Variants in INO80 observed in about 807,000 individuals in gnomAD.
The protein encoded by INO80 is INO80 complex ATPase subunit.
A neutral mutation model predicts 203.4 loss-of-function variants in INO80; 20 were observed. The observed-to-expected ratio is 0.10, with a 90% CI of 0.07 to 0.14. INO80 has a LOEUF of 0.14. Ranked by LOEUF, INO80 falls within the 10% of genes least tolerant of loss-of-function variation. The probability of loss-of-function intolerance (pLI) is 1.00; values close to 1 mark genes in which losing one functional copy is unlikely to be tolerated. For missense variants in INO80, 1,419 were observed against 1,914.4 expected, an observed-to-expected ratio of 0.74 and a Z score of 4.83; for synonymous variants, 726 against 685.2, an observed-to-expected ratio of 1.06 and a Z score of -0.93.
At chr15:40,983,103 GA>G in intron 34 of INO80, 26 bp from the exon 35 acceptor site, 9 of 1,513,346 alleles carry the variant, frequency 5.9e-6, no homozygotes, top group Non-Finnish European at 8.1e-6. Flanking sequence ...GGCCAAAAGG[GA>G]AAGAAAAAAA....
chr15:41,050,863 G>A (rs1191864740), intron 19 of INO80, among the ~76,000 whole-genome samples: 1 of 152,138 alleles, frequency 6.6e-6, no homozygotes, highest in Non-Finnish European at 1.5e-5. Context: ...GCCGGACGCA[G>A]TGGCTCACGC....
In INO80 at chr15:41,096,171, G is replaced by A; in HGVS notation, c.140C>T (p.Ser47Phe). The change falls in exon 2 of 36, where the codon TCT becomes TTT. Residue 47 changes from serine to phenylalanine, a missense_variant. Ser to Phe is a radical substitution (Grantham distance 155, BLOSUM62 -2). This residue lies in a region of INO80 where 323 missense variants were observed against 325.4 expected (regional missense o/e 0.99). Transcript: ENST00000648947. ...QTSAIFNRNI[S>F]SDDSEDGLDD... is the part of the protein sequence containing the mutation. ...TTGCAAAGATACAATAACATACCTAGAAATATTCCTATTGAAGATAGCTGA... is the reference window on the plus strand; with the variant it reads ...TTGCAAAGATACAATAACATACCTAAAAATATTCCTATTGAAGATAGCTGA... The A allele has an allele frequency of 6.2e-7, 1 of 1,603,738 alleles. No individual in the cohort carries two copies. The highest frequency in any genetic ancestry group is 8.5e-7 in the Non-Finnish European group (1 of 1,177,068).
intron 19 of INO80, among the ~76,000 whole-genome samples, chr15:41,052,914 T>C (rs1229778228): frequency 6.7e-6 from 1 of 149,874 alleles, no homozygotes; most frequent in Non-Finnish European, 1.5e-5. Context: ...ACACCTGTAG[T>C]CCCAGCTACT....
chr15:41,098,200 C>CT (rs749209634), intron 1 of INO80, among the ~76,000 whole-genome samples: 118 of 152,006 alleles, frequency 7.8e-4, no homozygotes, highest in Non-Finnish European at 1.5e-3. Flanking sequence ...GTTGTCTTCT[C>CT]TTTTTTTTAC....
At chr15:41,089,522 C>T (rs758598782) in intron 5 of INO80, among the ~76,000 whole-genome samples, 5 of 152,018 alleles carry the variant, frequency 3.3e-5, no homozygotes, top group Admixed American at 6.6e-5. Flanking sequence ...GAGGCCGAGG[C>T]GGGTGGATCA....
intron 1 of INO80, among the ~76,000 whole-genome samples, chr15:41,103,821 T>C (rs1352643657): frequency 2.0e-5 from 3 of 152,196 alleles, no homozygotes; most frequent in Non-Finnish European, 4.4e-5. Context: ...CAATTTAATC[T>C]TTTACTACTT....
chr15:41,087,833 G>C, intron 5 of INO80, 151 bp from the exon 6 acceptor site: 1 of 664,366 alleles, frequency 1.5e-6, no homozygotes, highest in Non-Finnish European at 2.3e-6. Flanking sequence ...ATATCTAAGG[G>C]AATCACTTAC....
intron 24 of INO80, among the ~76,000 whole-genome samples, chr15:41,040,874 A>C (rs977424121): frequency 6.6e-6 from 1 of 152,194 alleles, no homozygotes; most frequent in Non-Finnish European, 1.5e-5. Flanking sequence ...TACAAATCAT[A>C]AGAAAAATAC....
chr15:41,003,689 A>AT (rs1378584657), intron 28 of INO80, among the ~76,000 whole-genome samples: 1 of 152,326 alleles, frequency 6.6e-6, no homozygotes, highest in Admixed American at 6.5e-5. Context: ...ATTATAATCT[A>AT]TAAAGTCCCC....
At chr15:41,038,897 C>G (rs796366256) in intron 24 of INO80, among the ~76,000 whole-genome samples, 15 of 152,328 alleles carry the variant, frequency 9.8e-5, no homozygotes, top group African/African-American at 3.6e-4. Context: ...CAGAATACTA[C>G]TTCTCATGGC....
At chr15:41,060,697 T>C (rs1359086147) in intron 14 of INO80, among the ~76,000 whole-genome samples, 4 of 152,140 alleles carry the variant, frequency 2.6e-5, no homozygotes, top group South Asian at 2.1e-4. Flanking sequence ...AAATCATACA[T>C]AGACTTGCCT....
intron 7 of INO80, among the ~76,000 whole-genome samples, chr15:41,083,212 G>A (rs1195673276): frequency 1.3e-5 from 2 of 149,268 alleles, no homozygotes; most frequent in Non-Finnish European, 3.0e-5. Context: ...GTGAACCCGG[G>A]AGGCGGAGCT....
chr15:41,074,354 C>T lies in INO80; in HGVS notation c.1327+16G>A. On this transcript the variant is annotated intron_variant, in intron 10 of 35. Transcript: ENST00000648947. The stretch of plus-strand genomic sequence containing the variant: ...ATAAGAGGTAGCCTTCCTCTAAGTC[C>T]TGACTGAGGACTCACCATAATCCTC... 6.4e-7 allele frequency: 1 copy of T among 1,566,290 alleles called. No individual in the cohort carries two copies. The highest frequency in any genetic ancestry group is 1.2e-5 in the South Asian group (1 of 84,126).
In INO80 at chr15:40,983,767, A is replaced by C; in HGVS notation, c.4232T>G (p.Val1411Gly). The C allele has an allele frequency of 6.2e-7, 1 of 1,612,258 alleles. No individual in the cohort carries two copies. Among genetic ancestry groups the C allele is most frequent in the Non-Finnish European group, 8.5e-7 (1 of 1,179,970 alleles). Residue 1411 changes from valine to glycine, a missense_variant, in exon 34 of 36, where the codon GTG (valine) becomes GGG (glycine). By Grantham distance (109) the Val-to-Gly change is moderately radical. Around this residue, in one of 9 missense-constraint regions of INO80, gnomAD observed 214 missense variants for 248.9 expected, o/e 0.86. Coordinates refer to ENST00000648947, the MANE Select transcript of INO80 (RefSeq NM_017553.3). ...ASITGSVSDT[V>G]NGISIQEMPA... ...TACAAGACAGCAGCAATTACCATTC[A>C]CGGTATCTGAGACGGAGCCTGTTAT...
chr15:41,013,376 T>G (rs892652620), intron 27 of INO80: 4 of 152,230 alleles, frequency 2.6e-5, no homozygotes, highest in Non-Finnish European at 5.9e-5. Flanking sequence ...AAGGTCCCAC[T>G]GCAAGATCAT....
intron 1 of INO80, among the ~76,000 whole-genome samples, chr15:41,104,604 C>T (rs1039246168): frequency 3.9e-5 from 6 of 152,112 alleles, no homozygotes. Flanking sequence ...GTGGTCCAAT[C>T]TTGGCTCACT....
chr15:41,032,777 T>C (rs548700074), intron 24 of INO80, among the ~76,000 whole-genome samples: 6 of 152,238 alleles, frequency 3.9e-5, no homozygotes, highest in East Asian at 3.9e-4. Flanking sequence ...TGGTAGCTCA[T>C]GCCTGTAATC....
At chr15:41,115,464 C>T (rs1328168962) in intron 1 of INO80, among the ~76,000 whole-genome samples, 1 of 152,234 alleles carries the variant, frequency 6.6e-6, no homozygotes, top group Non-Finnish European at 1.5e-5. Context: ...CCACCCAACA[C>T]CAGCCAGCAG....
chr15:41,068,379 T>C (rs1179566035), intron 14 of INO80, among the ~76,000 whole-genome samples: 1 of 151,350 alleles, frequency 6.6e-6, no homozygotes, highest in Non-Finnish European at 1.5e-5. Flanking sequence ...ACATCGTCAG[T>C]AGAGAAACCC....
Sources: allele counts gnomAD v4.1 joint callset (sites outside exome capture counted in the v4.1 genomes callset), GRCh38; gene constraint gnomAD v4.1.1; regional missense constraint gnomAD v4.1.1; transcripts MANE v1.5; gene names NCBI Gene and HGNC (gene_info 2026-07-23, HGNC 2026-07-21).